ZNF326: variants seen among roughly 807,000 people sequenced by gnomAD.
The protein encoded by ZNF326 is DBIRD complex subunit ZNF326.
A neutral mutation model predicts 63.1 loss-of-function variants in ZNF326; 30 were observed. The ratio of observed to expected loss-of-function variants is 0.48; its 90% confidence interval spans 0.36 to 0.64. The LOEUF (loss-of-function observed/expected upper bound fraction) is 0.64, where lower values mean the gene tolerates loss of function less well. ZNF326 is among the 30% of genes least tolerant of loss of function. ZNF326 has a pLI of 0.00. For synonymous variants in ZNF326, 194 were observed against 228.2 expected, an observed-to-expected ratio of 0.85 and a Z score of 1.35; for missense variants, 609 against 720.3, an observed-to-expected ratio of 0.85 and a Z score of 1.77.
chr1:89,998,076 C>T, intron 1 of ZNF326, 34 bp from the exon 2 acceptor site: 1 of 1,595,230 alleles, frequency 6.3e-7, no homozygotes, highest in Admixed American at 1.7e-5. Context: ...GCTAATATCA[C>T]ACTAATTCCT....
chr1:90,013,261 TAGGTTCATTAAAAAATGATTTCCTAGA>T, intron 7 of ZNF326, 24 bp downstream of exon 7: 1 of 1,483,302 alleles, frequency 6.7e-7, no homozygotes, highest in South Asian at 1.4e-5. Context: ...GTCAGAAAAT[TAGGTTCATTAAAAAATGATTTCCTAGA>T]AAAAGCCAAC....
intron 10 of ZNF326, among the ~76,000 whole-genome samples, chr1:90,021,959 G>A (rs556605279): frequency 1.3e-4 from 20 of 152,174 alleles, no homozygotes; most frequent in African/African-American, 4.6e-4. Flanking sequence ...AATAGTTGGG[G>A]GCTGGGGAGG....
intron 1 of ZNF326, among the ~76,000 whole-genome samples, chr1:89,997,668 GC>G (rs1366186576): frequency 6.6e-6 from 1 of 152,206 alleles, no homozygotes; most frequent in East Asian, 1.9e-4. Flanking sequence ...ACCGTGCCCG[GC>G]CAAGATCTTG....
chr1:90,019,163 C>A (rs1210159876), intron 9 of ZNF326, among the ~76,000 whole-genome samples: 2 of 151,114 alleles, frequency 1.3e-5, no homozygotes, highest in South Asian at 2.1e-4. Context: ...TTAAAAAAAA[C>A]AAAACAAAAC....
At chr1:90,026,930 C>T (rs1458436678) in intron 11 of ZNF326, among the ~76,000 whole-genome samples, 1 of 151,904 alleles carries the variant, frequency 6.6e-6, no homozygotes, top group Non-Finnish European at 1.5e-5. Flanking sequence ...GTAGATTAAG[C>T]GAGGTACCTG....
At chr1:90,005,484 C>G in intron 4 of ZNF326, 1 of 1,156,830 alleles carries the variant, frequency 8.6e-7, no homozygotes. Context: ...GAGTAAGATA[C>G]ACTTTTTAGC....
intron 10 of ZNF326, 144 bp from the exon 11 acceptor site, chr1:90,022,106 T>TA: frequency 1.6e-6 from 1 of 617,036 alleles, no homozygotes; most frequent in East Asian, 2.7e-5. Context: ...AGACTGTGGT[T>TA]ATAGTAGTTG....
chr1:90,000,101 A>G (rs1325765371), intron 2 of ZNF326, among the ~76,000 whole-genome samples: 2 of 152,180 alleles, frequency 1.3e-5, no homozygotes, highest in Non-Finnish European at 2.9e-5. Context: ...TCTCTGGGGA[A>G]AGACTCACCA....
rs1417188593 is a variant in ZNF326, at chr1:90,027,517, A to C, written c.1565A>C (p.Glu522Ala). Residue 522 changes from glutamate (E) to alanine (A), a missense_variant, in exon 12 of 12, where the codon GAG becomes GCG. Coordinates refer to ENST00000340281, the MANE Select transcript of ZNF326 (RefSeq NM_182976.4). ...VGEVEEVEEV[E>A]EVREGGIEGE... is the part of the protein sequence containing the mutation. Reference sequence around the variant, plus strand: ...GAAGTAGAGGAAGTGGAAGAAGTAGAGGAAGTGAGAGAAGGAGGAATAGAG... The same window carrying C: ...GAAGTAGAGGAAGTGGAAGAAGTAGCGGAAGTGAGAGAAGGAGGAATAGAG... The C allele has an allele frequency of 1.2e-6, 2 of 1,612,116 alleles. No homozygotes were observed. The highest frequency in any genetic ancestry group is 3.4e-5 in the Admixed American group (2 of 59,640).
At chr1:90,018,855 A>G (rs536826351) in intron 9 of ZNF326, 71 bp downstream of exon 9, 2 of 865,284 alleles carry the variant, frequency 2.3e-6, no homozygotes, top group East Asian at 6.0e-5. Flanking sequence ...TTTAAATGTA[A>G]ATGATAGCCA....
At chr1:89,997,661 G>GT (rs1388523660) in intron 1 of ZNF326, among the ~76,000 whole-genome samples, 2 of 152,168 alleles carry the variant, frequency 1.3e-5, no homozygotes, top group Non-Finnish European at 2.9e-5. Flanking sequence ...GTGAGCCACC[G>GT]TGCCCGGCCA....
rs1650305867 is a variant in ZNF326 at position 90,032,166 on chromosome 1, C to T, written c.*4465C>T. On this transcript the variant is annotated 3_prime_UTR_variant, in exon 12 of 12. Coordinates refer to ENST00000340281, the MANE Select transcript of ZNF326 (RefSeq NM_182976.4). Reference sequence around the variant, plus strand: ...AATCTCTTCTTGACTTTCCCTTCTTCTTTCCCAGTCCTCTAATTCCCAGAG... The same window carrying T: ...AATCTCTTCTTGACTTTCCCTTCTTTTTTCCCAGTCCTCTAATTCCCAGAG... 1 of 152,214 alleles carries T rather than the reference C, an allele frequency of 6.6e-6. No individual in the cohort carries two copies. The highest frequency in any genetic ancestry group is 2.4e-5 in the African/African-American group (1 of 41,452). 9.4% of individuals were successfully genotyped at this position (152,214 alleles called of 1,614,324 possible).
chr1:90,022,712 C>T (rs1649835273), intron 11 of ZNF326, among the ~76,000 whole-genome samples: 1 of 152,104 alleles, frequency 6.6e-6, no homozygotes, highest in African/African-American at 2.4e-5. Context: ...GACTTAGATC[C>T]TCCCAATTTC....
At chr1:90,005,616 AT>A (rs1226044733) in intron 4 of ZNF326, 55 of 927,910 alleles carry the variant, frequency 5.9e-5, no homozygotes, top group Non-Finnish European at 6.8e-5. Flanking sequence ...ATTAAAAAAA[AT>A]CTTTTCTAAT....
intron 9 of ZNF326, among the ~76,000 whole-genome samples, chr1:90,019,838 C>T (rs1649680060): frequency 6.6e-6 from 1 of 152,070 alleles, no homozygotes; most frequent in Non-Finnish European, 1.5e-5. Context: ...TGAGCATATC[C>T]TACCTTACAA....
intron 8 of ZNF326, among the ~76,000 whole-genome samples, chr1:90,018,168 T>C (rs964959931): frequency 1.3e-5 from 2 of 151,950 alleles, no homozygotes; most frequent in African/African-American, 4.8e-5. Context: ...GGCGCGTGCC[T>C]GTAATCCCAG....
chr1:90,016,826 A>G (rs1277399517), intron 7 of ZNF326, among the ~76,000 whole-genome samples: 1 of 152,182 alleles, frequency 6.6e-6, no homozygotes, highest in Non-Finnish European at 1.5e-5. Flanking sequence ...GTCCAGGCCT[A>G]TTAGTTATCC....
At chr1:90,004,978 C>G in intron 2 of ZNF326, 25 bp from the exon 3 acceptor site, 1 of 1,607,474 alleles carries the variant, frequency 6.2e-7, no homozygotes. Context: ...ATTTTACTGA[C>G]AATTTCTTAT....
At position 90,020,964 on chromosome 1, in the gene ZNF326, A is replaced by G. The variant is rs773697557; in HGVS notation, c.1305+42A>G. ...TCTTAATAAAGTTGCCAGATTATCC[A>G]TCAATCTTTTATTGTTCTTTGGCCA... On this transcript the variant is annotated intron_variant, in intron 10 of 11. Coordinates refer to ENST00000340281, the MANE Select transcript of ZNF326 (RefSeq NM_182976.4). The G allele has an allele frequency of 3.8e-6, 6 of 1,599,552 alleles. No homozygotes were observed. The African/African-American group carries it at 5.4e-5, about 14-fold the overall frequency.
Sources: allele counts gnomAD v4.1 joint callset (sites outside exome capture counted in the v4.1 genomes callset), GRCh38; gene constraint gnomAD v4.1.1; transcripts MANE v1.5; gene names NCBI Gene and HGNC (gene_info 2026-07-23, HGNC 2026-07-21).